Variants in NBAS observed in about 807,000 individuals in gnomAD.
NBAS encodes the protein NBAS subunit of NRZ tethering complex, also known as NAG/BC035112 fusion.
Under a neutral mutation model 302.5 loss-of-function variants are expected in NBAS, and 219 were observed. The observed-to-expected ratio is 0.72, with a 90% CI of 0.65 to 0.81. The LOEUF (loss-of-function observed/expected upper bound fraction) is 0.81. NBAS is among the 30% of genes least tolerant of loss of function. The probability of loss-of-function intolerance (pLI) is 0.00; values close to 1 mark genes in which losing one functional copy is unlikely to be tolerated. For missense variants in NBAS, 2,932 were observed against 2,841.6 expected (o/e 1.03, Z -0.72); for synonymous variants, 1,118 against 1,021.6 (o/e 1.09, Z -1.80).
At chr2:15,142,737 G>C in the NBAS span, among the ~76,000 whole-genome samples, 1 of 152,208 alleles carries the variant, frequency 6.6e-6, no homozygotes, top group African/African-American at 2.4e-5. Flanking sequence ...TATCTCTGCA[G>C]AGGATGATGG....
chr2:15,050,944 A>C, the NBAS span, among the ~76,000 whole-genome samples: 2 of 152,194 alleles, frequency 1.3e-5, no homozygotes, highest in Non-Finnish European at 2.9e-5. Context: ...GTGACTGCCC[A>C]GCCCTGGTTT....
At chr2:15,263,441 T>A (rs1461282568) in intron 44 of NBAS, among the ~76,000 whole-genome samples, 1 of 152,100 alleles carries the variant, frequency 6.6e-6, no homozygotes, top group African/African-American at 2.4e-5. Flanking sequence ...CACTACCTGG[T>A]TGACAACTTA....
chr2:15,411,655 A>C (rs1324154835), intron 25 of NBAS, among the ~76,000 whole-genome samples: 1 of 152,196 alleles, frequency 6.6e-6, no homozygotes, highest in Non-Finnish European at 1.5e-5. Flanking sequence ...GCACCTAACA[A>C]AGCTATGATA....
chr2:15,044,134 T>G, the NBAS span, among the ~76,000 whole-genome samples: 8 of 152,348 alleles, frequency 5.3e-5, no homozygotes, highest in Admixed American at 3.9e-4. Flanking sequence ...TAAAAACTTT[T>G]TTTTTTTTGC....
intron 48 of NBAS, among the ~76,000 whole-genome samples, chr2:15,205,074 A>G (rs1418557386): frequency 6.6e-6 from 1 of 152,198 alleles, no homozygotes; most frequent in African/African-American, 2.4e-5. Flanking sequence ...ATATAAATAG[A>G]ATAAAACAAT....
the NBAS span, among the ~76,000 whole-genome samples, chr2:15,093,481 A>T: frequency 6.6e-6 from 1 of 152,230 alleles, no homozygotes; most frequent in South Asian, 2.1e-4. Context: ...CATGTTCAAC[A>T]TATATTTTAT....
the NBAS span, among the ~76,000 whole-genome samples, chr2:14,841,600 A>G: frequency 6.6e-6 from 1 of 152,062 alleles, no homozygotes; most frequent in South Asian, 2.1e-4. Flanking sequence ...TCATTATATG[A>G]TGATAAAGGG....
intron 27 of NBAS, among the ~76,000 whole-genome samples, chr2:15,395,970 A>G (rs1675845320): frequency 6.6e-6 from 1 of 152,138 alleles, no homozygotes; most frequent in Non-Finnish European, 1.5e-5. Context: ...CAAATAGTCA[A>G]TTCAATGTAT....
the NBAS span, among the ~76,000 whole-genome samples, chr2:14,904,772 G>C: frequency 6.6e-6 from 1 of 152,142 alleles, no homozygotes; most frequent in Admixed American, 6.5e-5. Context: ...ACTCTAGGCC[G>C]GGCGCGGTGG....
chr2:14,931,045 G>T, the NBAS span, among the ~76,000 whole-genome samples: 2 of 152,158 alleles, frequency 1.3e-5, no homozygotes, highest in Non-Finnish European at 2.9e-5. Flanking sequence ...TTGAAGTTCT[G>T]GGGCCCAAAG....
intron 10 of NBAS, among the ~76,000 whole-genome samples, chr2:15,508,778 C>T (rs1199658396): frequency 6.6e-6 from 1 of 151,898 alleles, no homozygotes; most frequent in Non-Finnish European, 1.5e-5. Flanking sequence ...CCAAGGCGAG[C>T]GGATCACCTA....
the NBAS span, among the ~76,000 whole-genome samples, chr2:14,893,013 A>G: frequency 6.6e-6 from 1 of 152,232 alleles, no homozygotes; most frequent in African/African-American, 2.4e-5. Context: ...ATGGTTAGCT[A>G]AAACTCAGCT....
intron 11 of NBAS, among the ~76,000 whole-genome samples, chr2:15,500,935 A>C (rs2148630616): frequency 6.6e-6 from 1 of 152,188 alleles, no homozygotes; most frequent in South Asian, 2.1e-4. Flanking sequence ...AAAAAAAGAA[A>C]AAAAAGAAAA....
chr2:14,874,093 A>T, the NBAS span, among the ~76,000 whole-genome samples: 2 of 152,214 alleles, frequency 1.3e-5, no homozygotes, highest in South Asian at 4.1e-4. Context: ...AACTACTAAT[A>T]TAGAGAATGA....
At chr2:15,365,239 T>G (rs1373327758) in intron 32 of NBAS, among the ~76,000 whole-genome samples, 1 of 152,234 alleles carries the variant, frequency 6.6e-6, no homozygotes, top group African/African-American at 2.4e-5. Context: ...CAGGTATTCC[T>G]GTTACTATGT....
intron 44 of NBAS, among the ~76,000 whole-genome samples, chr2:15,264,341 G>A (rs1668978957): frequency 6.6e-6 from 1 of 152,196 alleles, no homozygotes; most frequent in Admixed American, 6.5e-5. Context: ...TTTGCAGGAA[G>A]GAGAGTGTAT....
chr2:14,800,785 G>GTTTTTTTTTTTTTTTTTTTTTTTT, the NBAS span, among the ~76,000 whole-genome samples: 1 of 129,526 alleles, frequency 7.7e-6, no homozygotes. Context: ...GATTTAAATT[G>GTTTTTTTTTTTTTTTTTTTTTTTT]TTTTTGTTTT....
At chr2:15,465,237 T>C (rs1332258720) in intron 19 of NBAS, among the ~76,000 whole-genome samples, 1 of 152,212 alleles carries the variant, frequency 6.6e-6, no homozygotes, top group Non-Finnish European at 1.5e-5. Flanking sequence ...TCTCTAACTG[T>C]ATGGAGACTC....
intron 21 of NBAS, among the ~76,000 whole-genome samples, chr2:15,440,299 G>A (rs13010659): frequency 0.58 from 88,010 of 151,884 alleles, 26,906 homozygotes; most frequent in Non-Finnish European, 0.68. Context: ...CCGGTACTCC[G>A]CTGAGACAAA....
Sources: allele counts gnomAD v4.1 joint callset (sites outside exome capture counted in the v4.1 genomes callset), GRCh38; gene constraint gnomAD v4.1.1; transcripts MANE v1.5; gene names NCBI Gene and HGNC (gene_info 2026-07-23, HGNC 2026-07-21).